Variants in ITGA9 observed in about 807,000 individuals in gnomAD.
ITGA9 encodes the protein integrin alpha-9.
ITGA9 carries 56 observed loss-of-function variants against 127.8 expected under a neutral mutation model. The ratio of observed to expected loss-of-function variants is 0.44; its 90% confidence interval spans 0.35 to 0.55. ITGA9 has a LOEUF of 0.55. ITGA9 is among the 20% of genes least tolerant of loss of function. The pLI is 0.00. For synonymous variants in ITGA9, 508 were observed against 514.5 expected (o/e 0.99, Z 0.17); for missense variants, 1,196 against 1,347.1 (o/e 0.89, Z 1.76).
At chr3:37,518,688 T>C (rs1016060511) in intron 10 of ITGA9, among the ~76,000 whole-genome samples, 1 of 151,862 alleles carries the variant, frequency 6.6e-6, no homozygotes, top group Non-Finnish European at 1.5e-5. Context: ...ATTGGATGGG[T>C]CAGTGGTTTT....
At chr3:37,610,929 T>G (rs191933627) in intron 15 of ITGA9, among the ~76,000 whole-genome samples, 2 of 152,218 alleles carry the variant, frequency 1.3e-5, no homozygotes, top group Middle Eastern at 3.4e-3. Flanking sequence ...CTTTTGAGCT[T>G]AAAGATGCTT....
At chr3:37,487,270 A>T (rs966901430) in intron 4 of ITGA9, among the ~76,000 whole-genome samples, 4 of 152,204 alleles carry the variant, frequency 2.6e-5, no homozygotes, top group Admixed American at 6.5e-5. Context: ...AGAGAAGAGG[A>T]TGCAGTTGTA....
At chr3:37,596,515 C>T (rs998361072) in intron 15 of ITGA9, among the ~76,000 whole-genome samples, 2 of 152,114 alleles carry the variant, frequency 1.3e-5, no homozygotes, top group Admixed American at 6.5e-5. Context: ...GACTTTCTTC[C>T]AGAGTCTTGG....
chr3:37,783,102 G>A lies in ITGA9; in HGVS notation c.2788-1875G>A, dbSNP rs186176198. 1.6e-3 allele frequency among the ~76,000 whole-genome samples: 236 copies of A among 151,930 alleles called. 1 individual carries two copies. Among genetic ancestry groups the A allele is most frequent in the African/African-American group, 5.5e-3 (226 of 41,432 alleles). Reference sequence around the variant, plus strand: ...TGCAGTGAGCCAAGATCGTGCCATTGCACTCCAGCCTGGGCAACAGAGCGA... The same window carrying A: ...TGCAGTGAGCCAAGATCGTGCCATTACACTCCAGCCTGGGCAACAGAGCGA... On this transcript the variant is annotated intron_variant, in intron 25 of 27. Transcript: ENST00000264741.
intron 26 of ITGA9, chr3:37,790,081 A>C: frequency 1.8e-6 from 1 of 554,296 alleles, no homozygotes. Flanking sequence ...ATTGTTAAGA[A>C]GTGTCAGTGC....
At chr3:37,675,821 G>A (rs1700676257) in intron 17 of ITGA9, among the ~76,000 whole-genome samples, 1 of 141,914 alleles carries the variant, frequency 7.0e-6, no homozygotes, top group Non-Finnish European at 1.5e-5. Context: ...TCGGCTCACT[G>A]CAATTTCTGC....
At chr3:37,543,073 A>AT (rs1699290794) in intron 15 of ITGA9, among the ~76,000 whole-genome samples, 1 of 152,148 alleles carries the variant, frequency 6.6e-6, no homozygotes, top group Non-Finnish European at 1.5e-5. Flanking sequence ...TTTAGGATGC[A>AT]TTTTTTGGCA....
chr3:37,756,592 T>C (rs968295088), intron 23 of ITGA9, among the ~76,000 whole-genome samples: 2 of 152,234 alleles, frequency 1.3e-5, no homozygotes, highest in African/African-American at 4.8e-5. Context: ...AACTCCCCAA[T>C]CTTATTTTCC....
At chr3:37,634,564 T>C (rs1445110401) in intron 16 of ITGA9, among the ~76,000 whole-genome samples, 1 of 152,216 alleles carries the variant, frequency 6.6e-6, no homozygotes, top group Non-Finnish European at 1.5e-5. Flanking sequence ...ATTGTAAATA[T>C]ATATGCACCC....
intron 13 of ITGA9, among the ~76,000 whole-genome samples, chr3:37,529,796 A>G (rs1232155896): frequency 6.6e-6 from 1 of 152,038 alleles, no homozygotes; most frequent in East Asian, 1.9e-4. Context: ...GAGATGAGGG[A>G]TGGGGGGATG....
At chr3:37,466,299 A>G (rs942040090) in intron 1 of ITGA9, among the ~76,000 whole-genome samples, 1 of 151,936 alleles carries the variant, frequency 6.6e-6, no homozygotes, top group African/African-American at 2.4e-5. Context: ...CCTTACCAAT[A>G]TGGTGAAACC....
intron 15 of ITGA9, among the ~76,000 whole-genome samples, chr3:37,593,930 G>A (rs566590031): frequency 2.1e-4 from 19 of 89,174 alleles, no homozygotes; most frequent in Admixed American, 6.7e-4. Flanking sequence ...AGAAGGGCTC[G>A]AAACTGGCAT....
chr3:37,714,140 TA>T (rs972701695), intron 18 of ITGA9, among the ~76,000 whole-genome samples: 26 of 152,314 alleles, frequency 1.7e-4, no homozygotes, highest in African/African-American at 6.3e-4. Context: ...ACTTAATAGT[TA>T]CATGGATATT....
intron 1 of ITGA9, among the ~76,000 whole-genome samples, chr3:37,463,196 A>T (rs898627891): frequency 1.3e-5 from 2 of 152,212 alleles, no homozygotes; most frequent in Non-Finnish European, 2.9e-5. Context: ...CACGGTCCAG[A>T]TTCCGTCAGA....
chr3:37,809,951 C>T (rs1405581344), intron 27 of ITGA9, among the ~76,000 whole-genome samples: 7 of 152,190 alleles, frequency 4.6e-5, no homozygotes, highest in African/African-American at 1.4e-4. Flanking sequence ...TTGCCATATT[C>T]CATATGTAAT....
At chr3:37,576,242 G>A (rs1047572711) in intron 15 of ITGA9, among the ~76,000 whole-genome samples, 2 of 152,210 alleles carry the variant, frequency 1.3e-5, no homozygotes, top group Non-Finnish European at 2.9e-5. Context: ...ACAGGGCTAG[G>A]GGAACTGAGA....
chr3:37,489,905 G>C (rs991748469), intron 4 of ITGA9, among the ~76,000 whole-genome samples: 2 of 152,182 alleles, frequency 1.3e-5, no homozygotes, highest in African/African-American at 2.4e-5. Context: ...TGGAGTAATG[G>C]TGAGAGCACA....
chr3:37,496,421 A>T (rs936306351), intron 5 of ITGA9, among the ~76,000 whole-genome samples: 2 of 152,084 alleles, frequency 1.3e-5, no homozygotes, highest in Non-Finnish European at 2.9e-5. Flanking sequence ...CTTCTAAGCC[A>T]CCTTGCAAGT....
At chr3:37,678,044 G>T (rs1399356369) in intron 17 of ITGA9, among the ~76,000 whole-genome samples, 1 of 152,178 alleles carries the variant, frequency 6.6e-6, no homozygotes, top group Non-Finnish European at 1.5e-5. Flanking sequence ...GATTGTATGT[G>T]TAGTACATCT....
Sources: allele counts gnomAD v4.1 joint callset (sites outside exome capture counted in the v4.1 genomes callset), GRCh38; gene constraint gnomAD v4.1.1; transcripts MANE v1.5; gene names NCBI Gene and HGNC (gene_info 2026-07-23, HGNC 2026-07-21).